The following FBXW9 variants were observed in gnomAD, a reference collection of about 807,000 sequenced individuals.
The protein encoded by FBXW9 is F-box/WD repeat-containing protein 9.
A neutral mutation model predicts 55.8 loss-of-function variants in FBXW9; 38 were observed. The ratio of observed to expected loss-of-function variants is 0.68; its 90% CI spans 0.53 to 0.89. The LOEUF (loss-of-function observed/expected upper bound fraction) is 0.89. Ranked by LOEUF, FBXW9 falls within the 40% of genes least tolerant of loss-of-function variation. The pLI, the probability that FBXW9 is intolerant of heterozygous loss-of-function variation, is 0.00. For synonymous variants in FBXW9, 289 were observed against 278.2 expected (o/e 1.04, Z -0.38); for missense variants, 590 against 619.4 (o/e 0.95, Z 0.50).
In FBXW9 at chr19:12,696,364, G is replaced by A; in HGVS notation, c.218C>T (p.Ala73Val). 2 of 1,608,040 alleles carry A rather than the reference G, an allele frequency of 1.2e-6. No homozygotes were observed. Among genetic ancestry groups the A allele is most frequent in the Non-Finnish European group, 1.7e-6 (2 of 1,177,976 alleles). ...SEPRAASRVS[A>V]VSEPGLLSLP... ...GCTCAGAAGGCCCGGCTCACTTACG[G>A]CCGAAACCCTGGACGCGGCCCGAGG... The change falls in exon 1 of 10, where the codon GCC becomes GTC. Residue 73 changes from alanine to valine, a missense_variant. By Grantham distance (64) the Ala-to-Val change is moderately conservative. Transcript: ENST00000393261.
At chr19:12,693,501 GAAAAA>G (rs1214446276) in intron 3 of FBXW9, among the ~76,000 whole-genome samples, 10 of 2,134 alleles carry the variant, frequency 4.7e-3, no homozygotes, top group South Asian at 0.038. Context: ...TCTACTAAAG[GAAAAA>G]AAAAAAAAAA....
In FBXW9 at chr19:12,691,260, A is replaced by G; in HGVS notation, c.792-3T>C. The G allele has an allele frequency of 6.2e-7, 1 of 1,614,092 alleles. No individual in the cohort carries two copies. The highest frequency in any genetic ancestry group is 8.5e-7 in the Non-Finnish European group (1 of 1,179,942). On this transcript the variant is annotated splice_polypyrimidine_tract_variant and splice_region_variant and intron_variant, in intron 4 of 9. Transcript: ENST00000393261. ...GGCACAGCACGGCTGAGCTGGCCCT[A>G]GGGACACACAGACCACAGGGCTTTG...
Position 12,694,874 on chromosome 19 carries a change from C to A in FBXW9, c.474G>T (p.Glu158Asp). Residue 158 changes from glutamate to aspartate, a missense_variant, in exon 2 of 10, where the codon GAG becomes GAT. Transcript: ENST00000393261. ...AGAAGTATTCGACCCAGCGCCCATC[C>A]TCTGCCCAGCGGGACAGGTGCTGCT... ...ALEQHLSRWAEDGRWVEYFCL... is the reference protein window; with the variant it reads ...ALEQHLSRWADDGRWVEYFCL... The A allele has an allele frequency of 8.7e-6, 14 of 1,614,116 alleles. No homozygotes were observed. The highest frequency in any genetic ancestry group is 1.2e-5 in the Non-Finnish European group (14 of 1,180,040).
chr19:12,696,372 C>G lies in FBXW9; in HGVS notation c.210G>C (p.Arg70Ser), dbSNP rs2025071219. 6 of 1,609,938 alleles carry G rather than the reference C, an allele frequency of 3.7e-6. No individual in the cohort carries two copies. The highest frequency in any genetic ancestry group is 5.1e-6 in the Non-Finnish European group (6 of 1,178,822). ...PSASEPRAAS[R>S]VSAVSEPGLL... ...GGCCCGGCTCACTTACGGCCGAAAC[C>G]CTGGACGCGGCCCGAGGCTCCGAAG... Residue 70 changes from arginine (R) to serine (S), a missense_variant, in exon 1 of 10, where the codon AGG becomes AGC. Transcript: ENST00000393261.
In FBXW9 at chr19:12,689,680, G is replaced by A. The variant is rs373322685; in HGVS notation, c.1147-50C>T. The A allele has an allele frequency of 1.2e-5, 19 of 1,606,728 alleles. No individual in the cohort carries two copies. Among genetic ancestry groups the A allele is most frequent in the Middle Eastern group, 1.7e-4 (1 of 6,054 alleles). On this transcript the variant is annotated intron_variant, in intron 7 of 9. Transcript: ENST00000393261. The surrounding 1 kb of genome is among the most constrained non-coding windows in gnomAD (Gnocchi z 5.9). ...CTCAGTCGAGGCTCTCCCAAGGCCC[G>A]CCCTCCCCCACACCACCAGGGGCTC...
chr19:12,689,043 A>G lies in FBXW9; in HGVS notation c.*173T>C. The G allele has an allele frequency of 1.4e-6, 1 of 715,144 alleles. No homozygotes were observed. Among genetic ancestry groups the G allele is most frequent in the Non-Finnish European group, 2.5e-6 (1 of 396,350 alleles). 44.3% of individuals were successfully genotyped at this position (715,144 alleles called of 1,614,324 possible). A position where few individuals can be genotyped will look rare whatever the true frequency, so the allele number is the denominator to read the frequency against. On this transcript the variant is annotated 3_prime_UTR_variant, in exon 10 of 10. Coordinates refer to ENST00000393261, the MANE Select transcript of FBXW9 (RefSeq NM_032301.3). This position sits in a 1 kb window ranked among gnomAD's most constrained non-coding sequence, Gnocchi z 5.9. ...CTGGGTGGGCCTGAACCCCAATTTC[A>G]CCCTTCCCCCGGGCATAGGGCCCAG...
chr19:12,690,236 C>T, intron 5 of FBXW9, 126 bp from the exon 6 acceptor site: 1 of 1,485,150 alleles, frequency 6.7e-7, no homozygotes. Context: ...TCCCCCACCC[C>T]ACAGAGTGAC....
In FBXW9 at chr19:12,691,279, G is replaced by A. The variant is rs746892001; in HGVS notation, c.792-22C>T. Reference sequence around the variant, plus strand: ...GGCCCTAGGGACACACAGACCACAGGGCTTTGGCTGTGGCCAGACAGGGTC... The same window carrying A: ...GGCCCTAGGGACACACAGACCACAGAGCTTTGGCTGTGGCCAGACAGGGTC... On this transcript the variant is annotated intron_variant, in intron 4 of 9. Coordinates refer to ENST00000393261, the MANE Select transcript of FBXW9 (RefSeq NM_032301.3). 10 of 1,613,442 alleles carry A rather than the reference G, an allele frequency of 6.2e-6. No individual in the cohort carries two copies. The African/African-American group carries it at 1.3e-4, about 22-fold the overall frequency.
In FBXW9 at chr19:12,689,613, G is replaced by A. The variant is rs779211088; in HGVS notation, c.1164C>T (p.His388=). The A allele has an allele frequency of 1.9e-6, 3 of 1,614,122 alleles. No homozygotes were observed. Among genetic ancestry groups the A allele is most frequent in the Non-Finnish European group, 2.5e-6 (3 of 1,179,998 alleles). ...FQLIRSFDVG[H]SFPITGIQYS... is the part of the protein sequence containing the mutation. Reference sequence around the variant, plus strand: ...ACTGGATCCCAGTGATGGGAAAGCTGTGGCCCACATCAAAGGACTGCAGGA... The same window carrying A: ...ACTGGATCCCAGTGATGGGAAAGCTATGGCCCACATCAAAGGACTGCAGGA... Residue 388 remains histidine (H), a synonymous_variant, in exon 8 of 10, where the codon CAC becomes CAT. Transcript: ENST00000393261. This position sits in a 1 kb window ranked among gnomAD's most constrained non-coding sequence, Gnocchi z 5.9.
Position 12,689,462 on chromosome 19 carries a change from C to A in FBXW9, c.1237-25G>T. On this transcript the variant is annotated intron_variant, in intron 8 of 9. Coordinates refer to ENST00000393261, the MANE Select transcript of FBXW9 (RefSeq NM_032301.3). This position sits in a 1 kb window ranked among gnomAD's most constrained non-coding sequence, Gnocchi z 5.9. ...CCTAGTGAGGGGCAATGGGCGAGGT[C>A]AAGAGGTGTGCCCCTGGCTGATGGA... 1.2e-6 allele frequency: 2 copies of A among 1,614,042 alleles called. No individual in the cohort carries two copies. The highest frequency in any genetic ancestry group is 1.7e-6 in the Non-Finnish European group (2 of 1,179,986).
chr19:12,691,400 C>T lies in FBXW9; in HGVS notation c.733G>A (p.Asp245Asn). The change falls in exon 4 of 10, where the codon GAC becomes AAC. Residue 245 changes from aspartate (D) to asparagine (N), a missense_variant. Asp to Asn is a conservative substitution (Grantham distance 23, BLOSUM62 1). Coordinates refer to ENST00000393261, the MANE Select transcript of FBXW9 (RefSeq NM_032301.3). ...ATGTCCCAGAGCTTCACTGTGCTGT[C>T]CCAGGAGCCGGAGCACACGCGGTGG... ...QDHRVCSGSW[D>N]STVKLWDMAA... The T allele has an allele frequency of 6.2e-7, 1 of 1,611,064 alleles. No individual in the cohort carries two copies. Among genetic ancestry groups the T allele is most frequent in the African/African-American group, 1.3e-5 (1 of 74,974 alleles).
In FBXW9 at chr19:12,688,981, A is replaced by T. The variant is rs1447290104; in HGVS notation, c.*235T>A. On this transcript the variant is annotated 3_prime_UTR_variant, in exon 10 of 10. Transcript: ENST00000393261. ...CAACTGAGAGCGGGGCATCCAAATC[A>T]TAACAAAACCAGGGCCCAAGAGTGG... 7 of 686,594 alleles carry T rather than the reference A, an allele frequency of 1.0e-5. 1 individual carries two copies. In the East Asian group the frequency reaches 1.9e-4, roughly 19 times the overall value. 42.5% of individuals were successfully genotyped at this position (686,594 alleles called of 1,614,324 possible).
chr19:12,694,981 T>C (rs774081417), intron 1 of FBXW9, 43 bp from the exon 2 acceptor site: 4 of 1,589,176 alleles, frequency 2.5e-6, no homozygotes, highest in South Asian at 1.1e-5. Context: ...GCAGGGACCC[T>C]AGCACCCATG....
chr19:12,694,532 G>C (rs1466443282), intron 3 of FBXW9, 62 bp downstream of exon 3: 3 of 1,566,810 alleles, frequency 1.9e-6, no homozygotes, highest in Non-Finnish European at 2.6e-6. Context: ...ACCAAAACCT[G>C]GGGCCTTAAC....
Position 12,691,343 on chromosome 19 carries a change from T to C in FBXW9, c.790A>G (p.Lys264Glu). 6.2e-7 allele frequency: 1 copy of C among 1,613,812 alleles called. No individual in the cohort carries two copies. The highest frequency in any genetic ancestry group is 1.1e-5 in the South Asian group (1 of 91,072). Residue 264 changes from lysine (K) to glutamate (E), a missense_variant and splice_region_variant, in exon 4 of 10, where the codon AAG becomes GAG. By Grantham distance (56) the Lys-to-Glu change is moderately conservative. Transcript: ENST00000393261. ...CCCCCTGCCCAGGCCCCCACACACT[T>C]TATCTCGCCGAACTGCTGCCCATCC... is the stretch of plus-strand genomic sequence containing the variant. ...AADGQQFGEI[K>E]ASSAVLCLSY...
At chr19:12,694,771 G>A (rs767982956) in intron 2 of FBXW9, 28 bp downstream of exon 2, 11 of 1,613,744 alleles carry the variant, frequency 6.8e-6, no homozygotes, top group African/African-American at 4.0e-5. Flanking sequence ...GGCCCACCCT[G>A]CCTGGCCCCC....
intron 3 of FBXW9, among the ~76,000 whole-genome samples, chr19:12,694,200 G>C (rs887471710): frequency 2.0e-5 from 3 of 150,652 alleles, no homozygotes; most frequent in Non-Finnish European, 4.4e-5. Flanking sequence ...AATTAGACAG[G>C]TGTGGTGGCA....
rs763650958 is a variant in FBXW9, at chr19:12,696,153, C to T, written c.409+20G>A. 131 of 1,496,284 alleles carry T rather than the reference C, an allele frequency of 8.8e-5. No homozygotes were observed. Among genetic ancestry groups the T allele is most frequent in the Non-Finnish European group, 1.1e-4 (125 of 1,129,716 alleles). 92.7% of individuals were successfully genotyped at this position (1,496,284 alleles called of 1,614,324 possible). On this transcript the variant is annotated intron_variant, in intron 1 of 9. Coordinates refer to ENST00000393261, the MANE Select transcript of FBXW9 (RefSeq NM_032301.3). ...GCGGGCGCCCCCGGCCCCCGGTCCCCGGCCCCCGGCCCCGCGCACCTTCCA... is the reference window on the plus strand; with the variant it reads ...GCGGGCGCCCCCGGCCCCCGGTCCCTGGCCCCCGGCCCCGCGCACCTTCCA...
rs760479260 is a variant in FBXW9, at chr19:12,689,420, G to A, written c.1254C>T (p.Asp418=). 6.2e-7 allele frequency: 1 copy of A among 1,614,172 alleles called. No individual in the cohort carries two copies. Among genetic ancestry groups the A allele is most frequent in the Admixed American group, 1.7e-5 (1 of 60,022 alleles). Reference sequence around the variant, plus strand: ...TTCGGGTGCAAATGGTCCTTGGTGGGTCTGTGGGCACGTGCACCTAGTGAG... The same window carrying A: ...TTCGGGTGCAAATGGTCCTTGGTGGATCTGTGGGCACGTGCACCTAGTGAG... ...DKTIRVHVPT[D]PPRTICTRRH... Residue 418 remains aspartate (D), a synonymous_variant, in exon 9 of 10, where the codon GAC becomes GAT. Coordinates refer to ENST00000393261, the MANE Select transcript of FBXW9 (RefSeq NM_032301.3). This position sits in a 1 kb window ranked among gnomAD's most constrained non-coding sequence, Gnocchi z 5.9.
Sources: gnomAD v4.1 joint callset for allele counts (sites outside exome capture counted in the v4.1 genomes callset) on GRCh38, gnomAD v4.1.1 for gene constraint, Gnocchi (gnomAD v3.1) non-coding constraint, MANE v1.5 for transcripts, NCBI Gene and HGNC (gene_info 2026-07-23, HGNC 2026-07-21) for gene names.